COL4A5: variants seen among roughly 807,000 people sequenced by gnomAD.
COL4A5 encodes collagen type IV alpha 5 chain, also known as collagen alpha-5(IV) chain.
COL4A5 carries 26 observed loss-of-function variants against 130.2 expected under a neutral mutation model. That is an observed-to-expected ratio of 0.20 (90% CI 0.15 to 0.28). The LOEUF (loss-of-function observed/expected upper bound fraction) is 0.28. COL4A5 is among the 10% of genes least tolerant of loss of function. COL4A5 has a pLI of 1.00. For synonymous variants in COL4A5, 496 were observed against 439.6 expected, an observed-to-expected ratio of 1.13 and a Z score of -1.60; for missense variants, 1,131 against 1,344.3, an observed-to-expected ratio of 0.84 and a Z score of 2.48.
At position 108,659,447 on chromosome X, in the gene COL4A5, C is replaced by G. The variant is rs2067909598; in HGVS notation, c.3373+3990C>G. ...TTGTTAAAATCTTGTGTATTCTTACCAACTTCTTGCCTAATTGTTTTATCA... is the reference window on the plus strand; with the variant it reads ...TTGTTAAAATCTTGTGTATTCTTACGAACTTCTTGCCTAATTGTTTTATCA... On this transcript the variant is annotated intron_variant, in intron 37 of 52. Coordinates refer to ENST00000328300, the MANE Select transcript of COL4A5 (RefSeq NM_033380.3). Among the ~76,000 whole-genome samples, 3 of 110,783 alleles carry G rather than the reference C, an allele frequency of 2.7e-5. No homozygotes were observed. In the East Asian group the frequency reaches 8.4e-4, roughly 31 times the overall value.
In COL4A5 at chrX:108,689,367, G is replaced by A; in HGVS notation, c.4528+1673G>A. ...AAATCCCTAACCTACCAGGTCAACA[G>A]AGGAACCATTATAAGTTTTGAGCAC... On this transcript the variant is annotated intron_variant, in intron 49 of 52. Coordinates refer to ENST00000328300, the MANE Select transcript of COL4A5 (RefSeq NM_033380.3). 10 of 750,152 alleles carry A rather than the reference G, an allele frequency of 1.3e-5. No homozygotes were observed. The South Asian group carries it at 6.8e-4, about 51-fold the overall frequency. The allele number at this position is 750,152 out of a possible 1,213,427, so 61.8% of individuals were successfully genotyped here.
intron 49 of COL4A5, among the ~76,000 whole-genome samples, chrX:108,692,113 GA>G (rs914808798): frequency 5.4e-5 from 6 of 112,040 alleles, no homozygotes; most frequent in Admixed American, 9.5e-5. Flanking sequence ...GTGAGTAAAT[GA>G]GAAAAGAAAG....
chrX:108,624,517 C>T (rs761236223), intron 34 of COL4A5, among the ~76,000 whole-genome samples, 183 bp downstream of exon 34: 24 of 112,250 alleles, frequency 2.1e-4, no homozygotes, highest in African/African-American at 6.8e-4. Context: ...TTTTAGCAGT[C>T]CAGATTTTAT....
intron 1 of COL4A5, among the ~76,000 whole-genome samples, chrX:108,538,094 A>G (rs760454428): frequency 8.9e-6 from 1 of 111,897 alleles, no homozygotes; most frequent in Non-Finnish European, 1.9e-5. Flanking sequence ...TGCACCTAAC[A>G]TAACATAGTG....
intron 36 of COL4A5, among the ~76,000 whole-genome samples, chrX:108,652,994 T>C (rs2067762242): frequency 8.9e-6 from 1 of 111,900 alleles, no homozygotes; most frequent in Non-Finnish European, 1.9e-5. Flanking sequence ...AATTTTCCTT[T>C]CTCAGAGTGA....
chrX:108,446,552 C>G (rs1198826634), intron 1 of COL4A5, among the ~76,000 whole-genome samples: 1 of 111,903 alleles, frequency 8.9e-6, no homozygotes, highest in Non-Finnish European at 1.9e-5. Context: ...ATTATGGTAA[C>G]TTTTTTAGTG....
intron 2 of COL4A5, among the ~76,000 whole-genome samples, chrX:108,551,719 C>T (rs754586938): frequency 3.6e-5 from 4 of 111,595 alleles, no homozygotes; most frequent in East Asian, 5.6e-4. Flanking sequence ...TAGGTGTATA[C>T]GCAAAGTAAA....
intron 42 of COL4A5, 73 bp downstream of exon 42, chrX:108,670,309 G>A: frequency 9.2e-6 from 11 of 1,194,364 alleles, no homozygotes; most frequent in Non-Finnish European, 1.1e-5. Context: ...ATGTTTTCAA[G>A]TGTTTGAATG....
intron 43 of COL4A5, among the ~76,000 whole-genome samples, chrX:108,676,095 T>A (rs2068297120): frequency 8.9e-6 from 1 of 112,138 alleles, no homozygotes; most frequent in African/African-American, 3.2e-5. Context: ...ATTCTGAATC[T>A]TAAGAGTATT....
At chrX:108,607,177 G>T (rs1177653234) in intron 29 of COL4A5, among the ~76,000 whole-genome samples, 1 of 109,662 alleles carries the variant, frequency 9.1e-6, no homozygotes, top group Non-Finnish European at 1.9e-5. Context: ...GACCATCCTG[G>T]CCAACATGGC....
chrX:108,530,754 G>C (rs1206509113), intron 1 of COL4A5, among the ~76,000 whole-genome samples: 1 of 99,163 alleles, frequency 1.0e-5, no homozygotes. Flanking sequence ...TTACACTGTT[G>C]GTGGGACTGT....
chrX:108,564,805 A>G (rs2065944613), intron 4 of COL4A5, among the ~76,000 whole-genome samples: 1 of 111,818 alleles, frequency 8.9e-6, no homozygotes, highest in South Asian at 3.7e-4. Context: ...CCATTTGATC[A>G]TCAGAAATTT....
intron 1 of COL4A5, among the ~76,000 whole-genome samples, chrX:108,485,240 C>A (rs1213280685): frequency 8.9e-6 from 1 of 112,118 alleles, no homozygotes; most frequent in East Asian, 2.8e-4. Flanking sequence ...AAATGCTGTG[C>A]AAAAGCCAAG....
intron 50 of COL4A5, among the ~76,000 whole-genome samples, chrX:108,693,238 A>T (rs2068664984): frequency 9.0e-6 from 1 of 111,648 alleles, no homozygotes. Flanking sequence ...TTATGAAAAC[A>T]TAGGGAAAGA....
intron 42 of COL4A5, chrX:108,670,723 G>C (rs2068185990): frequency 3.1e-6 from 1 of 327,237 alleles, no homozygotes; most frequent in South Asian, 2.6e-5. Flanking sequence ...TTGTCACAAA[G>C]TTCTCAATTC....
chrX:108,473,629 A>T (rs867001451), intron 1 of COL4A5, among the ~76,000 whole-genome samples: 6 of 38,129 alleles, frequency 1.6e-4, no homozygotes, highest in African/African-American at 5.7e-4. Flanking sequence ...ATATATATAT[A>T]TATATTTTTT....
In COL4A5 at chrX:108,588,131, C is replaced by T. The variant is rs144413581; in HGVS notation, c.1165+1384C>T. 1.4e-3 allele frequency among the ~76,000 whole-genome samples: 157 copies of T among 110,958 alleles called. 1 individual carries two copies. Among genetic ancestry groups the T allele is most frequent in the African/African-American group, 4.7e-3 (144 of 30,622 alleles). ...GCCACAAATTGAGTACTGCCCTTAT[C>T]TAGAATGTTTATTTGAATGTTCTCT... is the stretch of plus-strand genomic sequence containing the variant. On this transcript the variant is annotated intron_variant, in intron 19 of 52. Transcript: ENST00000328300.
chrX:108,635,038 T>A (rs1415184923), intron 36 of COL4A5, among the ~76,000 whole-genome samples: 1 of 111,459 alleles, frequency 9.0e-6, no homozygotes, highest in Non-Finnish European at 1.9e-5. Flanking sequence ...AGGTAGTTTG[T>A]TTTATGGATG....
intron 1 of COL4A5, among the ~76,000 whole-genome samples, chrX:108,487,413 A>AAAG (rs61590564): frequency 0.093 from 9,954 of 107,514 alleles, 1,210 homozygotes; most frequent in African/African-American, 0.31. Flanking sequence ...AAAAAGAAGA[A>AAAG]AAGAAGAAGT....
Sources: gnomAD v4.1 joint callset for allele counts (sites outside exome capture counted in the v4.1 genomes callset) on GRCh38, gnomAD v4.1.1 for gene constraint, MANE v1.5 for transcripts, NCBI Gene and HGNC (gene_info 2026-07-23, HGNC 2026-07-21) for gene names.